Variants in CCPG1 observed in about 807,000 individuals in gnomAD.
CCPG1 encodes the protein cell cycle progression protein 1.
A neutral mutation model predicts 81.3 loss-of-function variants in CCPG1; 46 were observed. The ratio of observed to expected loss-of-function variants is 0.57; its 90% CI spans 0.45 to 0.72. The LOEUF (loss-of-function observed/expected upper bound fraction) is 0.72. CCPG1 is among the 30% of genes least tolerant of loss of function. The probability of loss-of-function intolerance (pLI) is 0.00; values close to 1 mark genes in which losing one functional copy is unlikely to be tolerated. For missense variants in CCPG1, 902 were observed against 937.6 expected, an observed-to-expected ratio of 0.96 and a Z score of 0.50; for synonymous variants, 330 against 305.2, an observed-to-expected ratio of 1.08 and a Z score of -0.85.
At chr15:55,392,592 T>C (rs1186495779) in intron 1 of CCPG1, among the ~76,000 whole-genome samples, 1 of 150,282 alleles carries the variant, frequency 6.7e-6, no homozygotes, top group East Asian at 2.0e-4. Flanking sequence ...ATGAACACAG[T>C]TCATTGCAGC....
At chr15:55,386,259 T>C (rs1241734902) in intron 2 of CCPG1, among the ~76,000 whole-genome samples, 3 of 151,200 alleles carry the variant, frequency 2.0e-5, no homozygotes, top group African/African-American at 2.4e-5. Flanking sequence ...AACACCCATA[T>C]GCAAATAACT....
In CCPG1 at chr15:55,371,668, A is replaced by C. The variant is rs538842167; in HGVS notation, c.706+125T>G. On this transcript the variant is annotated intron_variant, in intron 6 of 8. Transcript: ENST00000442196. ...CGAATGAGAAAACTGAGGCTCAAAC[A>C]GGCTTCAAGTTTTCAAGGCCACACA... 101 of 929,180 alleles carry C rather than the reference A, an allele frequency of 1.1e-4. 1 individual carries two copies. In the African/African-American group the frequency reaches 1.6e-3, roughly 14 times the overall value. 57.6% of individuals were successfully genotyped at this position (929,180 alleles called of 1,614,324 possible). A position where few individuals can be genotyped will look rare whatever the true frequency, so the allele number is the denominator to read the frequency against.
At chr15:55,393,182 A>G (rs12910693) in intron 1 of CCPG1, among the ~76,000 whole-genome samples, 69,529 of 152,050 alleles carry the variant, frequency 0.46, 17,156 homozygotes, top group East Asian at 0.74. Flanking sequence ...TTGCACCTGT[A>G]ACAGCACTTT....
In CCPG1 at chr15:55,360,221, C is replaced by A. The variant is rs780331180; in HGVS notation, c.1552G>T (p.Val518Leu). The A allele has an allele frequency of 1.1e-5, 17 of 1,613,594 alleles. No individual in the cohort carries two copies. In the East Asian group the frequency reaches 3.8e-4, roughly 36 times the overall value. ...GAGAATTTTTTCAGATTTTCCTTCA[C>A]AGCTTCTTTAGCCTGCTTAATTTTC... is the stretch of plus-strand genomic sequence containing the variant. The part of the protein sequence containing the change: ...KEKIKQAKEA[V>L]KENLKKFSDS... The change falls in exon 8 of 9, where the codon GTG (valine) becomes TTG (leucine). Residue 518 changes from valine (V) to leucine (L), a missense_variant. Val to Leu is a conservative substitution (Grantham distance 32). Coordinates refer to ENST00000442196, the MANE Select transcript of CCPG1 (RefSeq NM_001204450.2).
chr15:55,407,044 C>CA lies in CCPG1; in HGVS notation c.-10+1176_-10+1177insT, dbSNP rs913557568. On this transcript the variant is annotated intron_variant, in intron 1 of 8. Transcript: ENST00000442196. ...CCTGGCCGACACGTTGAGACCCCCC[C>CA]CCCCGCCCCGCCGTCTCTACTAAAA... is the stretch of plus-strand genomic sequence containing the variant. 3.7e-4 allele frequency among the ~76,000 whole-genome samples: 50 copies of CA among 135,696 alleles called. 4 individuals are homozygous for CA. Among genetic ancestry groups the CA allele is most frequent in the African/African-American group, 1.5e-3 (47 of 30,462 alleles). The allele number at this position is 135,696 out of a possible 152,430, so 89.0% of individuals were successfully genotyped here. A position where few individuals can be genotyped will look rare whatever the true frequency, so the allele number is the denominator to read the frequency against.
At chr15:55,398,886 C>T (rs1316767053) in intron 1 of CCPG1, among the ~76,000 whole-genome samples, 1 of 152,052 alleles carries the variant, frequency 6.6e-6, no homozygotes, top group Non-Finnish European at 1.5e-5. Flanking sequence ...AGCATGAAAA[C>T]TTTTTTGAAG....
chr15:55,357,347 CTAGTA>C (rs1447698599), intron 8 of CCPG1: 14 of 985,236 alleles, frequency 1.4e-5, no homozygotes, highest in African/African-American at 1.2e-4. Context: ...TCCTCTCCTA[CTAGTA>C]TAGTCCCAGT....
chr15:55,378,324 C>T lies in CCPG1; in HGVS notation c.228G>A (p.Leu76=), dbSNP rs2056608640. ...CCTCAATTGTTGAGCTGGTTTCCTCCAAAGCTGGATAAGCAGTTTCTTCCA... is the reference window on the plus strand; with the variant it reads ...CCTCAATTGTTGAGCTGGTTTCCTCTAAAGCTGGATAAGCAGTTTCTTCCA... ...VLMEETAYPA[L]EETSSTIEAE... Residue 76 remains leucine, a synonymous_variant, in exon 4 of 9, where the codon TTG becomes TTA. Transcript: ENST00000442196. The T allele has an allele frequency of 6.2e-7, 1 of 1,611,290 alleles. No homozygotes were observed. Among genetic ancestry groups the T allele is most frequent in the Non-Finnish European group, 8.5e-7 (1 of 1,178,476 alleles).
intron 1 of CCPG1, among the ~76,000 whole-genome samples, chr15:55,403,905 A>G (rs1381678116): frequency 6.6e-6 from 1 of 152,234 alleles, no homozygotes; most frequent in African/African-American, 2.4e-5. Flanking sequence ...AACATGTTCA[A>G]AAACTACTAC....
At chr15:55,380,630 AG>A (rs1305541246) in intron 3 of CCPG1, among the ~76,000 whole-genome samples, 2 of 152,016 alleles carry the variant, frequency 1.3e-5, no homozygotes, top group African/African-American at 4.8e-5. Flanking sequence ...AGTCCTGCAA[AG>A]AACAGGGAAA....
chr15:55,355,253 CCTTT>C lies in CCPG1; in HGVS notation c.*963_*966del. 3 of 1,554,986 alleles carry C rather than the reference CCTTT, an allele frequency of 1.9e-6. No individual in the cohort carries two copies. The highest frequency in any genetic ancestry group is 2.6e-6 in the Non-Finnish European group (3 of 1,136,464). ...TGAAACAGTACTCAGCAAAATGTAG[CCTTT>C]ATTTACTTAAACATTTATTTGCTTC... On this transcript the variant is annotated 3_prime_UTR_variant, in exon 9 of 9. Transcript: ENST00000442196.
intron 6 of CCPG1, among the ~76,000 whole-genome samples, chr15:55,366,235 C>T (rs2056324142): frequency 6.6e-6 from 1 of 152,042 alleles, no homozygotes; most frequent in Non-Finnish European, 1.5e-5. Context: ...AGTGTTTCAG[C>T]CTCCCTTATA....
Position 55,380,413 on chromosome 15 carries a change from A to T in CCPG1, c.176-2037T>A, listed in dbSNP as rs573720426. Among the ~76,000 whole-genome samples, 14 of 151,238 alleles carry T rather than the reference A, an allele frequency of 9.3e-5. No homozygotes were observed. The East Asian group carries it at 2.1e-3, about 22-fold the overall frequency. ...CGGGTTCACGCCATCCTCCTGCCTC[A>T]GGCTCCCAAGTAGCTGGGACTACAG... On this transcript the variant is annotated intron_variant, in intron 3 of 8. Coordinates refer to ENST00000442196, the MANE Select transcript of CCPG1 (RefSeq NM_001204450.2).
Position 55,385,847 on chromosome 15 carries a change from A to T in CCPG1, c.61-133T>A. On this transcript the variant is annotated intron_variant, in intron 2 of 8. Transcript: ENST00000442196. ...TACTCCAAAGGAACAGTATCTAATT[A>T]GACAAGCTTTTGTTCAATTTAGTCC... 6.3e-6 allele frequency: 4 copies of T among 638,330 alleles called. No individual in the cohort carries two copies. The South Asian group carries it at 7.2e-5, about 12-fold the overall frequency. 39.5% of individuals were successfully genotyped at this position (638,330 alleles called of 1,614,324 possible).
chr15:55,358,328 G>T, intron 8 of CCPG1: 2 of 965,130 alleles, frequency 2.1e-6, no homozygotes, highest in Non-Finnish European at 2.5e-6. Flanking sequence ...TCCACTGGGG[G>T]TCTTGGAACA....
At chr15:55,362,330 AAAAAAAAAAGG>A in intron 7 of CCPG1, among the ~76,000 whole-genome samples, 1 of 151,288 alleles carries the variant, frequency 6.6e-6, no homozygotes, top group Non-Finnish European at 1.5e-5. Flanking sequence ...GAAATAAGAA[AAAAAAAAAAGG>A]AAAAAAAAAT....
intron 1 of CCPG1, among the ~76,000 whole-genome samples, chr15:55,402,231 C>T (rs927252290): frequency 3.9e-5 from 6 of 152,004 alleles, no homozygotes; most frequent in Non-Finnish European, 8.8e-5. Flanking sequence ...TTTATTATAG[C>T]TTTATTTTTA....
At chr15:55,383,223 G>T (rs777912671) in intron 3 of CCPG1, among the ~76,000 whole-genome samples, 1 of 152,172 alleles carries the variant, frequency 6.6e-6, no homozygotes. Context: ...GATTGACCAG[G>T]TATTGCTATA....
chr15:55,361,719 T>C (rs1169814896), intron 7 of CCPG1, among the ~76,000 whole-genome samples: 1 of 150,444 alleles, frequency 6.6e-6, no homozygotes, highest in Non-Finnish European at 1.5e-5. Context: ...AAAAAACAAA[T>C]AAAAAATAAA....
Sources: gnomAD v4.1 joint callset for allele counts (sites outside exome capture counted in the v4.1 genomes callset) on GRCh38, gnomAD v4.1.1 for gene constraint, MANE v1.5 for transcripts, NCBI Gene and HGNC (gene_info 2026-07-23, HGNC 2026-07-21) for gene names.